Variants in DPH6 observed in about 807,000 individuals in gnomAD.
The protein encoded by DPH6 is diphthamine biosynthesis 6.
In DPH6, 33 loss-of-function variants were observed where a neutral mutation model predicts 38.2. The ratio of observed to expected loss-of-function variants is 0.86; its 90% CI spans 0.65 to 1.15. The LOEUF is 1.15. DPH6 is among the 50% of genes most tolerant of loss of function. The pLI, the probability that DPH6 is intolerant of heterozygous loss-of-function variation, is 0.00. For missense variants in DPH6, 325 were observed against 320.0 expected, an observed-to-expected ratio of 1.02 and a Z score of -0.12; for synonymous variants, 108 against 103.0, an observed-to-expected ratio of 1.05 and a Z score of -0.30.
At chr15:35,361,695 T>C (rs1277642259) in intron 3 of DPH6, among the ~76,000 whole-genome samples, 1 of 151,762 alleles carries the variant, frequency 6.6e-6, no homozygotes, top group African/African-American at 2.4e-5. Flanking sequence ...CTTCTTCTGC[T>C]TGATAAAATC....
intron 3 of DPH6, among the ~76,000 whole-genome samples, chr15:35,457,014 A>T (rs113057547): frequency 0.13 from 19,975 of 151,918 alleles, 1,548 homozygotes; most frequent in African/African-American, 0.21. Context: ...TCTGCTGCCC[A>T]GGCTGGAGTG....
chr15:35,182,295 A>G, the DPH6 span, among the ~76,000 whole-genome samples: 2 of 135,126 alleles, frequency 1.5e-5, no homozygotes, highest in Non-Finnish European at 3.1e-5. Context: ...GCTATACTAG[A>G]GTAAACTGCT....
chr15:35,158,551 T>G, the DPH6 span, among the ~76,000 whole-genome samples: 2 of 152,024 alleles, frequency 1.3e-5, no homozygotes, highest in African/African-American at 4.8e-5. Context: ...TGTTATATAT[T>G]ATATAAGAAA....
chr15:35,511,604 TCAA>T (rs2054772886), intron 3 of DPH6, among the ~76,000 whole-genome samples: 1 of 152,014 alleles, frequency 6.6e-6, no homozygotes, highest in African/African-American at 2.4e-5. Context: ...GATACTCCTC[TCAA>T]CAACACTTGC....
At chr15:35,385,443 A>C (rs900351354) in intron 6 of DPH6, among the ~76,000 whole-genome samples, 1 of 152,196 alleles carries the variant, frequency 6.6e-6, no homozygotes, top group Non-Finnish European at 1.5e-5. Context: ...AGCCATAAAA[A>C]AGGATGATTT....
intron 5 of DPH6, among the ~76,000 whole-genome samples, chr15:35,426,866 T>TAAA (rs974135004): frequency 2.2e-5 from 3 of 138,712 alleles, no homozygotes; most frequent in African/African-American, 7.9e-5. Flanking sequence ...GTGGATGGTT[T>TAAA]AAAAAAAAAA....
intron 3 of DPH6, among the ~76,000 whole-genome samples, chr15:35,464,592 TATAA>T (rs1280421872): frequency 2.0e-5 from 3 of 152,326 alleles, no homozygotes; most frequent in Middle Eastern, 3.4e-3. Flanking sequence ...TAAAAAGATA[TATAA>T]ATAATTTATC....
At chr15:35,434,076 A>G (rs1402843261) in intron 5 of DPH6, among the ~76,000 whole-genome samples, 1 of 152,194 alleles carries the variant, frequency 6.6e-6, no homozygotes, top group East Asian at 1.9e-4. Context: ...CATCTCTACT[A>G]TCAGCTTATA....
chr15:35,399,867 C>T (rs1177855017), intron 6 of DPH6, among the ~76,000 whole-genome samples: 1 of 152,164 alleles, frequency 6.6e-6, no homozygotes, highest in African/African-American at 2.4e-5. Flanking sequence ...CCCATGGGTT[C>T]TTTCTTAGAA....
intron 5 of DPH6, among the ~76,000 whole-genome samples, chr15:35,432,733 GAGA>G (rs2053648060): frequency 6.6e-6 from 1 of 152,112 alleles, no homozygotes; most frequent in East Asian, 1.9e-4. Flanking sequence ...TACAATTCTT[GAGA>G]AAGGTACTGA....
At chr15:35,521,148 C>T (rs2054917575) in intron 3 of DPH6, 2 of 985,084 alleles carry the variant, frequency 2.0e-6, no homozygotes, top group Non-Finnish European at 2.4e-6. Context: ...GACTCTGAGG[C>T]TTTACTTTTT....
At chr15:35,167,934 C>T in the DPH6 span, among the ~76,000 whole-genome samples, 529 of 152,104 alleles carry the variant, frequency 3.5e-3, 4 homozygotes, top group Middle Eastern at 0.024. Flanking sequence ...CAATGCCACA[C>T]AAGTTCATGC....
At chr15:35,370,295 A>T (rs961951556), downstream of DPH6, among the ~76,000 whole-genome samples, 13 of 151,888 alleles carry the variant, frequency 8.6e-5, no homozygotes, top group African/African-American at 3.1e-4. Context: ...TTACAGATAG[A>T]TATAACATTA....
intron 3 of DPH6, among the ~76,000 whole-genome samples, chr15:35,253,191 T>C (rs1362630193): frequency 1.3e-5 from 2 of 152,338 alleles, no homozygotes; most frequent in East Asian, 1.9e-4. Flanking sequence ...CTAAACTACA[T>C]TGGTGAGATT....
Position 35,291,991 on chromosome 15 carries a change from T to C in DPH6, n.201-71409A>G, listed in dbSNP as rs570470563. Among the ~76,000 whole-genome samples, 21 of 152,258 alleles carry C rather than the reference T, an allele frequency of 1.4e-4. 1 individual carries two copies. The highest frequency in any genetic ancestry group is 3.4e-3 in the Middle Eastern group (1 of 294). On this transcript the variant is annotated intron_variant and non_coding_transcript_variant, in intron 3 of 3. Coordinates refer to the DPH6 transcript ENST00000560386. The stretch of plus-strand genomic sequence containing the variant: ...AGTCACTGCCACTCTACTCCTCTAA[T>C]ACTTAATTCATTTCCAGTCTTCTTG...
At chr15:35,514,008 A>G (rs995894727) in intron 3 of DPH6, among the ~76,000 whole-genome samples, 2 of 152,058 alleles carry the variant, frequency 1.3e-5, no homozygotes, top group African/African-American at 4.8e-5. Context: ...TAAGTCAATA[A>G]CAACATGGAG....
At chr15:35,438,588 T>C (rs979637201) in intron 5 of DPH6, among the ~76,000 whole-genome samples, 2 of 152,226 alleles carry the variant, frequency 1.3e-5, no homozygotes, top group African/African-American at 2.4e-5. Flanking sequence ...AGTTAGGAGA[T>C]TGGCAAACAG....
At chr15:35,236,373 T>C (rs1009411137) in intron 3 of DPH6, among the ~76,000 whole-genome samples, 1 of 152,224 alleles carries the variant, frequency 6.6e-6, no homozygotes, top group African/African-American at 2.4e-5. Flanking sequence ...GCGCGGTGGC[T>C]CACGCCTGTA....
intron 3 of DPH6, among the ~76,000 whole-genome samples, chr15:35,257,321 C>T (rs1287226575): frequency 1.3e-5 from 2 of 152,066 alleles, no homozygotes; most frequent in South Asian, 2.1e-4. Flanking sequence ...TAGAGAAATA[C>T]CACATCTGGC....
Sources: gnomAD v4.1 joint callset for allele counts (sites outside exome capture counted in the v4.1 genomes callset) on GRCh38, gnomAD v4.1.1 for gene constraint, MANE v1.5 for transcripts, NCBI Gene and HGNC (gene_info 2026-07-23, HGNC 2026-07-21) for gene names.